The following PRKAR1A variants were observed in gnomAD, a reference collection of about 807,000 sequenced individuals.
PRKAR1A encodes cAMP-dependent protein kinase type I-alpha regulatory subunit.
Under a neutral mutation model 52.0 loss-of-function variants are expected in PRKAR1A, and 3 were observed. That is an observed-to-expected ratio of 0.06 (90% CI 0.03 to 0.15). The LOEUF (loss-of-function observed/expected upper bound fraction) is 0.15, where lower values mean the gene tolerates loss of function less well. Among genes scored for constraint, PRKAR1A ranks in the 10% least tolerant of loss-of-function variants. The pLI is 1.00. For missense variants in PRKAR1A, 240 were observed against 477.4 expected (o/e 0.50, Z 4.63); for synonymous variants, 188 against 168.4 (o/e 1.12, Z -0.90).
At position 68,530,748 on chromosome 17, in the gene PRKAR1A, T is replaced by G. The variant is rs569225886; in HGVS notation, c.*299T>G. Reference sequence around the variant, plus strand: ...TGCCATGCTTTTTGGTGAGGGCAGATCCCAGCACCTATTGAATTACCATAG... The same window carrying G: ...TGCCATGCTTTTTGGTGAGGGCAGAGCCCAGCACCTATTGAATTACCATAG... On this transcript the variant is annotated 3_prime_UTR_variant, in exon 11 of 11. Transcript: ENST00000589228. 39 of 1,329,404 alleles carry G rather than the reference T, an allele frequency of 2.9e-5. No homozygotes were observed. The Middle Eastern group carries it at 8.9e-4, about 30-fold the overall frequency. The allele number at this position is 1,329,404 out of a possible 1,614,324, so 82.4% of individuals were successfully genotyped here.
At chr17:68,529,897 G>A (rs923308989) in intron 9 of PRKAR1A, 23 bp from the exon 10 acceptor site, 2 of 1,612,208 alleles carry the variant, frequency 1.2e-6, no homozygotes, top group Non-Finnish European at 1.7e-6. Context: ...TGTTTGTTTA[G>A]CTTTTTGGTG....
chr17:68,446,510 G>A, the PRKAR1A span, among the ~76,000 whole-genome samples: 13 of 152,082 alleles, frequency 8.5e-5, no homozygotes, highest in South Asian at 2.1e-4. Context: ...AGGCTCTGTC[G>A]TAGGTCTGAG....
In PRKAR1A at chr17:68,527,971, A is replaced by C. The variant is rs369524104; in HGVS notation, c.769+71A>C. On this transcript the variant is annotated intron_variant, in intron 8 of 10. Transcript: ENST00000589228. Reference sequence around the variant, plus strand: ...TGAATTAGAATTGGATGGACTTGGGAAAAGCCTTCTGAAAGTATAATTGCT... The same window carrying C: ...TGAATTAGAATTGGATGGACTTGGGCAAAGCCTTCTGAAAGTATAATTGCT... The C allele has an allele frequency of 9.6e-6, 13 of 1,355,860 alleles. No individual in the cohort carries two copies. The South Asian group carries it at 1.2e-4, about 12-fold the overall frequency. The allele number at this position is 1,355,860 out of a possible 1,614,324, so 84.0% of individuals were successfully genotyped here.
the PRKAR1A span, among the ~76,000 whole-genome samples, chr17:68,460,288 G>A: frequency 3.3e-5 from 5 of 152,190 alleles, no homozygotes; most frequent in African/African-American, 1.2e-4. Flanking sequence ...GCAACTGATG[G>A]GGAAGGGGGA....
chr17:68,451,111 G>A, the PRKAR1A span, among the ~76,000 whole-genome samples: 1 of 152,226 alleles, frequency 6.6e-6, no homozygotes, highest in African/African-American at 2.4e-5. Context: ...CACTTTCAGA[G>A]TCCTTTCCAA....
upstream of PRKAR1A, among the ~76,000 whole-genome samples, chr17:68,510,155 T>TAGAAAGAGAGAGAGAGAGAG (rs1373007194): frequency 1.3e-5 from 1 of 74,374 alleles, no homozygotes; most frequent in South Asian, 4.9e-4. Flanking sequence ...TATATATATG[T>TAGAAAGAGAGAGAGAGAGAG]AGACAGAGAG....
At chr17:68,485,764 A>C in the PRKAR1A span, among the ~76,000 whole-genome samples, 1 of 152,138 alleles carries the variant, frequency 6.6e-6, no homozygotes, top group Admixed American at 6.5e-5. Flanking sequence ...TTTGAGACAG[A>C]GTCTCACTCT....
At chr17:68,549,632 G>A (rs1265391090) in intron 11 of PRKAR1A, among the ~76,000 whole-genome samples, 1 of 152,142 alleles carries the variant, frequency 6.6e-6, no homozygotes, top group Non-Finnish European at 1.5e-5. Flanking sequence ...AACATCTCCT[G>A]TTTCTCTATC....
At chr17:68,483,973 C>T in the PRKAR1A span, among the ~76,000 whole-genome samples, 1 of 152,056 alleles carries the variant, frequency 6.6e-6, no homozygotes, top group Non-Finnish European at 1.5e-5. Context: ...ATGCCAATAC[C>T]ATGTTGTTTT....
chr17:68,551,023 T>C, intron 11 of PRKAR1A: 2 of 1,198,796 alleles, frequency 1.7e-6, no homozygotes, highest in Non-Finnish European at 2.1e-6. Flanking sequence ...AGAAGCACAT[T>C]CTGGAGGAAA....
At chr17:68,542,611 T>A (rs2143507474) in intron 11 of PRKAR1A, 1 of 1,036,754 alleles carries the variant, frequency 9.6e-7, no homozygotes, top group Non-Finnish European at 1.5e-6. Context: ...CAGCAGGGTG[T>A]CAGGCCACTG....
the PRKAR1A span, among the ~76,000 whole-genome samples, chr17:68,500,761 C>T: frequency 2.6e-5 from 4 of 152,118 alleles, no homozygotes; most frequent in Non-Finnish European, 5.9e-5. Context: ...AGCTTATCCA[C>T]CCTCCTTGGC....
intron 1 of PRKAR1A, chr17:68,513,347 T>A (rs553958153): frequency 6.6e-6 from 1 of 152,422 alleles, no homozygotes; most frequent in South Asian, 2.1e-4. Flanking sequence ...AAGAGATCCG[T>A]CTTTTTAGCA....
the PRKAR1A span, among the ~76,000 whole-genome samples, chr17:68,438,765 T>C: frequency 3.9e-5 from 6 of 152,190 alleles, no homozygotes; most frequent in Non-Finnish European, 1.5e-5. Context: ...CACGCCCAGC[T>C]AATTTTTGTA....
the PRKAR1A span, among the ~76,000 whole-genome samples, chr17:68,494,930 G>T: frequency 6.6e-6 from 1 of 152,198 alleles, no homozygotes; most frequent in Non-Finnish European, 1.5e-5. Context: ...TTGTTAGATA[G>T]CCGTAGATAA....
the PRKAR1A span, among the ~76,000 whole-genome samples, chr17:68,453,635 C>T: frequency 5.9e-5 from 9 of 151,980 alleles, no homozygotes; most frequent in South Asian, 2.1e-4. Flanking sequence ...TGCACCACCA[C>T]GCCAGGCTAA....
At chr17:68,463,775 A>C in the PRKAR1A span, among the ~76,000 whole-genome samples, 1 of 152,196 alleles carries the variant, frequency 6.6e-6, no homozygotes, top group Non-Finnish European at 1.5e-5. Context: ...AGTGGGGAGA[A>C]GAGTGGGGAG....
chr17:68,420,385 C>G, the PRKAR1A span: 1 of 1,614,144 alleles, frequency 6.2e-7, no homozygotes, highest in Non-Finnish European at 8.5e-7. Flanking sequence ...ACATCTCCAG[C>G]GCAGATTACA....
At chr17:68,499,114 T>C in the PRKAR1A span, among the ~76,000 whole-genome samples, 3 of 152,160 alleles carry the variant, frequency 2.0e-5, no homozygotes, top group Non-Finnish European at 4.4e-5. Context: ...GCACAGAAGA[T>C]CTCTCCATGT....
Sources: gnomAD v4.1 joint callset for allele counts (sites outside exome capture counted in the v4.1 genomes callset) on GRCh38, gnomAD v4.1.1 for gene constraint, MANE v1.5 for transcripts, NCBI Gene and HGNC (gene_info 2026-07-23, HGNC 2026-07-21) for gene names.